The following FAT3 variants were observed in gnomAD, a reference collection of about 807,000 sequenced individuals.
The protein encoded by FAT3 is FAT atypical cadherin 3.
In FAT3, 95 loss-of-function variants were observed where a neutral mutation model predicts 310.2. The ratio of observed to expected loss-of-function variants is 0.31; its 90% confidence interval spans 0.26 to 0.36. The LOEUF (loss-of-function observed/expected upper bound fraction) is 0.36, where lower values mean the gene tolerates loss of function less well. Among genes scored for constraint, FAT3 ranks in the 10% least tolerant of loss-of-function variants. The probability of loss-of-function intolerance (pLI) is 1.00; values close to 1 mark genes in which losing one functional copy is unlikely to be tolerated. For missense variants in FAT3, 5,408 were observed against 5,715.6 expected (o/e 0.95, Z 1.74); for synonymous variants, 2,314 against 2,192.9 (o/e 1.06, Z -1.54).
At chr11:92,705,792 T>G in intron 4 of FAT3, among the ~76,000 whole-genome samples, 1 of 108,398 alleles carries the variant, frequency 9.2e-6, no homozygotes, top group African/African-American at 3.7e-5. Context: ...GGTGGTGGTG[T>G]GATGGTGTTG....
intron 3 of FAT3, among the ~76,000 whole-genome samples, chr11:92,625,789 A>G (rs1379459175): frequency 6.6e-6 from 1 of 151,608 alleles, no homozygotes; most frequent in Non-Finnish European, 1.5e-5. Flanking sequence ...GTGCTAAGAC[A>G]CACTTAGCTA....
intron 3 of FAT3, among the ~76,000 whole-genome samples, chr11:92,568,137 T>C (rs1203776850): frequency 1.3e-5 from 2 of 152,158 alleles, no homozygotes; most frequent in Non-Finnish European, 1.5e-5. Context: ...ACTGAGAATA[T>C]ACCAAGGAAC....
At chr11:92,499,637 T>C (rs555583486) in intron 2 of FAT3, among the ~76,000 whole-genome samples, 40 of 152,074 alleles carry the variant, frequency 2.6e-4, no homozygotes, top group Non-Finnish European at 4.3e-4. Flanking sequence ...AGCATCCACA[T>C]CTGAGCTTGG....
intron 2 of FAT3, among the ~76,000 whole-genome samples, chr11:92,373,633 G>C (rs1478827151): frequency 6.6e-6 from 1 of 152,018 alleles, no homozygotes; most frequent in Non-Finnish European, 1.5e-5. Context: ...ATGAACGCGT[G>C]ATGAACTCCT....
intron 3 of FAT3, among the ~76,000 whole-genome samples, chr11:92,694,938 C>G (rs1943896228): frequency 2.0e-5 from 3 of 152,080 alleles, no homozygotes; most frequent in African/African-American, 7.2e-5. Context: ...ATAGAATGGC[C>G]CAAAAATGAA....
chr11:92,801,694 T>C lies in FAT3; in HGVS notation c.8681T>C (p.Val2894Ala). ...GACCCCACATTCACCTTCTCTGTGG[T>C]GGCCTCTGACCTTGGAGAGGCATTC... ...ETDPTFTFSV[V>A]ASDLGEAFSL... Residue 2894 changes from valine to alanine, a missense_variant, in exon 10 of 28, where the codon GTG becomes GCG. Around this residue, in one of 5 missense-constraint regions of FAT3, gnomAD observed 4,588 missense variants for 4,809.8 expected, o/e 0.95. Coordinates refer to ENST00000525166, the MANE Select transcript of FAT3 (RefSeq NM_001367949.2). 6.2e-7 allele frequency: 1 copy of C among 1,613,960 alleles called. No homozygotes were observed. The highest frequency in any genetic ancestry group is 8.5e-7 in the Non-Finnish European group (1 of 1,179,850).
chr11:92,868,472 T>C (rs1949301791), intron 22 of FAT3, among the ~76,000 whole-genome samples: 1 of 152,240 alleles, frequency 6.6e-6, no homozygotes, highest in South Asian at 2.1e-4. Flanking sequence ...GCAGTAACTA[T>C]ACTTCAGTGG....
intron 3 of FAT3, among the ~76,000 whole-genome samples, chr11:92,540,291 C>T (rs1954402309): frequency 6.6e-6 from 1 of 152,066 alleles, no homozygotes; most frequent in African/African-American, 2.4e-5. Flanking sequence ...AAGACTCCTC[C>T]CATAGAGTGA....
In FAT3 at chr11:92,891,165, A is replaced by G; in HGVS notation, c.*52A>G. 2 of 1,586,760 alleles carry G rather than the reference A, an allele frequency of 1.3e-6. No homozygotes were observed. The highest frequency in any genetic ancestry group is 1.7e-6 in the Non-Finnish European group (2 of 1,166,886). On this transcript the variant is annotated 3_prime_UTR_variant, in exon 28 of 28. Transcript: ENST00000525166. ...GTTTGTTACAGAAAAGTGGAAGCAGATTGGCTGGGCTTCTGTCCCAGTGGA... is the reference window on the plus strand; with the variant it reads ...GTTTGTTACAGAAAAGTGGAAGCAGGTTGGCTGGGCTTCTGTCCCAGTGGA...
At chr11:92,809,724 G>A (rs889823129) in intron 12 of FAT3, 119 bp from the exon 13 acceptor site, 2 of 729,366 alleles carry the variant, frequency 2.7e-6, no homozygotes, top group Admixed American at 2.9e-5. Flanking sequence ...GGGACACTTG[G>A]GCCAAATGAT....
At chr11:92,615,699 A>G (rs1356402317) in intron 3 of FAT3, among the ~76,000 whole-genome samples, 1 of 152,198 alleles carries the variant, frequency 6.6e-6, no homozygotes, top group African/African-American at 2.4e-5. Flanking sequence ...TTGGTTTCAA[A>G]GAACATCTTT....
chr11:92,575,917 T>A (rs1591474843), intron 3 of FAT3, among the ~76,000 whole-genome samples: 1 of 152,158 alleles, frequency 6.6e-6, no homozygotes, highest in South Asian at 2.1e-4. Flanking sequence ...GTATCAGAGA[T>A]GTTGCCTTTT....
chr11:92,556,359 A>G (rs981658196), intron 3 of FAT3, among the ~76,000 whole-genome samples: 1 of 151,988 alleles, frequency 6.6e-6, no homozygotes, highest in Non-Finnish European at 1.5e-5. Context: ...CCTTGCCCTC[A>G]CCATTTGTCT....
intron 3 of FAT3, among the ~76,000 whole-genome samples, chr11:92,551,138 G>T (rs898582416): frequency 2.0e-5 from 3 of 151,928 alleles, no homozygotes; most frequent in Non-Finnish European, 4.4e-5. Flanking sequence ...GAGCTCCAAA[G>T]GTTAGTTAGA....
intron 4 of FAT3, among the ~76,000 whole-genome samples, chr11:92,756,221 A>G (rs10830942): frequency 0.31 from 47,492 of 152,090 alleles, 7,701 homozygotes; most frequent in Non-Finnish European, 0.33. Context: ...TATATATGCT[A>G]TCGTTTTTCT....
chr11:92,890,098 C>T (rs545482210), intron 27 of FAT3, among the ~76,000 whole-genome samples: 4 of 152,366 alleles, frequency 2.6e-5, no homozygotes, highest in South Asian at 2.1e-4. Context: ...TTTGCCTGCA[C>T]GCCTTCCTGC....
chr11:92,484,811 C>G (rs572365219), intron 2 of FAT3, among the ~76,000 whole-genome samples: 9 of 152,212 alleles, frequency 5.9e-5, no homozygotes, highest in Non-Finnish European at 1.0e-4. Flanking sequence ...TAATAATATT[C>G]TGCAATCAGG....
chr11:92,546,042 TATA>T (rs1954606332), intron 3 of FAT3, among the ~76,000 whole-genome samples: 1 of 152,248 alleles, frequency 6.6e-6, no homozygotes, highest in Non-Finnish European at 1.5e-5. Flanking sequence ...ATACGTTGTT[TATA>T]ATAACTTTTC....
intron 3 of FAT3, among the ~76,000 whole-genome samples, chr11:92,605,721 T>TTTTTG (rs1940251874): frequency 6.9e-6 from 1 of 145,102 alleles, no homozygotes; most frequent in Admixed American, 6.9e-5. Context: ...ATAGCTATGT[T>TTTTTG]TTTTTTTTTT....
Sources: allele counts gnomAD v4.1 joint callset (sites outside exome capture counted in the v4.1 genomes callset), GRCh38; gene constraint gnomAD v4.1.1; regional missense constraint gnomAD v4.1.1; transcripts MANE v1.5; gene names NCBI Gene and HGNC (gene_info 2026-07-23, HGNC 2026-07-21).